Variants in ITLN2 observed in about 807,000 individuals in gnomAD.
The protein encoded by ITLN2 is intelectin 2.
A neutral mutation model predicts 39.4 loss-of-function variants in ITLN2; 29 were observed. The observed-to-expected ratio is 0.74, with a 90% CI of 0.55 to 1.00. The LOEUF (loss-of-function observed/expected upper bound fraction) is 1.00. Among genes scored for constraint, ITLN2 ranks in the 50% least tolerant of loss-of-function variants. The probability of loss-of-function intolerance (pLI) is 0.00; values close to 1 mark genes in which losing one functional copy is unlikely to be tolerated. For synonymous variants in ITLN2, 156 were observed against 153.4 expected, an observed-to-expected ratio of 1.02 and a Z score of -0.12; for missense variants, 412 against 416.7, an observed-to-expected ratio of 0.99 and a Z score of 0.10.
intron 6 of ITLN2, 57 bp from the exon 7 acceptor site, chr1:160,948,089 C>T: frequency 7.0e-7 from 1 of 1,427,110 alleles, no homozygotes; most frequent in South Asian, 1.2e-5. Flanking sequence ...CTAGAAGCAG[C>T]ATCCCATTGG....
At chr1:160,951,462 CACTG>C (rs1182852483) in intron 3 of ITLN2, 172 bp from the exon 4 acceptor site, 2 of 786,970 alleles carry the variant, frequency 2.5e-6, no homozygotes, top group Non-Finnish European at 1.9e-6. Context: ...TGAGCAGAGG[CACTG>C]ACTGTCTTGG....
At chr1:160,954,580 C>T in intron 1 of ITLN2, 130 bp from the exon 2 acceptor site, 2 of 1,224,918 alleles carry the variant, frequency 1.6e-6, no homozygotes, top group Non-Finnish European at 2.3e-6. Flanking sequence ...CATTCTAAAA[C>T]CTCCTGGAAT....
chr1:160,951,065 G>A lies in ITLN2; in HGVS notation c.419C>T (p.Ala140Val), dbSNP rs137860437. Residue 140 changes from alanine to valine, a missense_variant, in exon 4 of 8, where the codon GCG becomes GTG. Ala to Val is a moderately conservative substitution (Grantham distance 64). Coordinates refer to ENST00000368029, the MANE Select transcript of ITLN2 (RefSeq NM_080878.3). Reference sequence around the variant, plus strand: ...AACCTTGTAGTCATCGCTCGTGGCCGCCTCTGCAGATCCAAAGGTGTTGTA... The same window carrying A: ...AACCTTGTAGTCATCGCTCGTGGCCACCTCTGCAGATCCAAAGGTGTTGTA... ...ANYNTFGSAE[A>V]ATSDDYKNPG... is the part of the protein sequence containing the mutation. 47 of 1,614,196 alleles carry A rather than the reference G, an allele frequency of 2.9e-5. No homozygotes were observed. The highest frequency in any genetic ancestry group is 1.0e-4 in the Admixed American group (6 of 60,010).
chr1:160,953,868 T>A (rs1671805018), intron 2 of ITLN2, among the ~76,000 whole-genome samples: 2 of 152,188 alleles, frequency 1.3e-5, no homozygotes, highest in South Asian at 4.1e-4. Flanking sequence ...AGATGACATA[T>A]GTAAATGTGC....
At chr1:160,948,889 AAAAG>A (rs951722894) in intron 6 of ITLN2, 10 of 152,292 alleles carry the variant, frequency 6.6e-5, no homozygotes, top group African/African-American at 2.4e-4. Context: ...AGAGACTGAG[AAAAG>A]AAAGAGACAC....
chr1:160,949,513 C>A, intron 6 of ITLN2: 1 of 160,108 alleles, frequency 6.2e-6, no homozygotes. Flanking sequence ...TATTGTGTCC[C>A]TGGGTACTTG....
In ITLN2 at chr1:160,951,165, T is replaced by A; in HGVS notation, c.319A>T (p.Thr107Ser). Reference protein sequence around the residue: ...VHENDMRGKCTVGDRWSSQQG... With the variant: ...VHENDMRGKCSVGDRWSSQQG... ...TGACTGGACCAGCGATCACCCACCG[T>A]GCACTTCCCACGCATGTCATTCTCG... Residue 107 changes from threonine to serine, a missense_variant, in exon 4 of 8, where the codon ACG becomes TCG. Transcript: ENST00000368029. 2 of 1,614,200 alleles carry A rather than the reference T, an allele frequency of 1.2e-6. No individual in the cohort carries two copies. Among genetic ancestry groups the A allele is most frequent in the Non-Finnish European group, 1.7e-6 (2 of 1,180,036 alleles).
chr1:160,952,791 G>T, intron 2 of ITLN2, 58 bp from the exon 3 acceptor site: 1 of 1,252,164 alleles, frequency 8.0e-7, no homozygotes, highest in Non-Finnish European at 1.2e-6. Flanking sequence ...CATCTTTCCT[G>T]GCCAATCTCT....
At chr1:160,953,028 G>A (rs1282946922) in intron 2 of ITLN2, among the ~76,000 whole-genome samples, 2 of 152,176 alleles carry the variant, frequency 1.3e-5, no homozygotes, top group Admixed American at 1.3e-4. Flanking sequence ...ACATGGAAAG[G>A]GACCCAACTG....
Position 160,945,099 on chromosome 1 carries a change from T to C in ITLN2, c.*41A>G, listed in dbSNP as rs750772058. The C allele has an allele frequency of 1.3e-6, 2 of 1,524,052 alleles. No individual in the cohort carries two copies. The highest frequency in any genetic ancestry group is 8.7e-7 in the Non-Finnish European group (1 of 1,145,812). 94.4% of individuals were successfully genotyped at this position (1,524,052 alleles called of 1,614,324 possible). On this transcript the variant is annotated 3_prime_UTR_variant, in exon 8 of 8. Coordinates refer to ENST00000368029, the MANE Select transcript of ITLN2 (RefSeq NM_080878.3). ...TTTTTCCGTCTCCAAATAGCCGGGG[T>C]TGGAAGATGGGTTCTCGCCCTGACA...
chr1:160,951,955 T>C (rs1671755744), intron 3 of ITLN2, among the ~76,000 whole-genome samples: 1 of 152,142 alleles, frequency 6.6e-6, no homozygotes, highest in Non-Finnish European at 1.5e-5. Context: ...GGTATGAGGC[T>C]TTTTGCCTCA....
chr1:160,945,671 A>G (rs1256782222), intron 7 of ITLN2, among the ~76,000 whole-genome samples: 4 of 152,178 alleles, frequency 2.6e-5, no homozygotes, highest in Non-Finnish European at 5.9e-5. Flanking sequence ...TGGAAAATGA[A>G]AAAGCTGAAA....
chr1:160,954,348 C>G, intron 2 of ITLN2, 39 bp downstream of exon 2: 1 of 1,449,058 alleles, frequency 6.9e-7, no homozygotes. Context: ...CAGAGGGGAG[C>G]CCAGGAAACT....
At position 160,951,110 on chromosome 1, in the gene ITLN2, C is replaced by A. The variant is rs748974039; in HGVS notation, c.374G>T (p.Gly125Val). The A allele has an allele frequency of 6.2e-7, 1 of 1,614,052 alleles. No homozygotes were observed. Among genetic ancestry groups the A allele is most frequent in the Non-Finnish European group, 8.5e-7 (1 of 1,180,040 alleles). The change falls in exon 4 of 8, where the codon GGG becomes GTG. Residue 125 changes from glycine (G) to valine (V), a missense_variant. Gly to Val is a moderately radical substitution (Grantham distance 109). Coordinates refer to ENST00000368029, the MANE Select transcript of ITLN2 (RefSeq NM_080878.3). ...QQGNKADYPE[G>V]DGNWANYNTF... is the part of the protein sequence containing the mutation. ...GTTGTAGTTGGCCCAGTTGCCATCC[C>A]CCTCTGGGTAGTCTGCTTTGTTGCC...
At chr1:160,945,525 A>T (rs1671581659) in intron 7 of ITLN2, among the ~76,000 whole-genome samples, 1 of 152,200 alleles carries the variant, frequency 6.6e-6, no homozygotes, top group South Asian at 2.1e-4. Context: ...AGGAGCACAG[A>T]GCCAGTAGAG....
rs1308216971 is a variant in ITLN2, at chr1:160,945,130, G to A, written c.*10C>T. ...GATGGGTTCTCGCCCTGACACCGCA[G>A]AGCTCTGTCTCATCTATAGAACAAG... is the stretch of plus-strand genomic sequence containing the variant. On this transcript the variant is annotated 3_prime_UTR_variant, in exon 8 of 8. Coordinates refer to ENST00000368029, the MANE Select transcript of ITLN2 (RefSeq NM_080878.3). 20 of 1,564,706 alleles carry A rather than the reference G, an allele frequency of 1.3e-5. No homozygotes were observed. Among genetic ancestry groups the A allele is most frequent in the Non-Finnish European group, 1.3e-5 (15 of 1,165,530 alleles).
At chr1:160,946,354 A>G (rs962423288) in intron 7 of ITLN2, among the ~76,000 whole-genome samples, 2 of 151,992 alleles carry the variant, frequency 1.3e-5, no homozygotes, top group Non-Finnish European at 2.9e-5. Context: ...AAGACAAATA[A>G]ATTATACTCA....
At chr1:160,947,760 A>T (rs1671638946) in intron 7 of ITLN2, among the ~76,000 whole-genome samples, 169 bp downstream of exon 7, 2 of 152,244 alleles carry the variant, frequency 1.3e-5, no homozygotes, top group Non-Finnish European at 2.9e-5. Flanking sequence ...GTGAGCACAG[A>T]GTTGGGGCTA....
rs1313031594 is a variant in ITLN2, at chr1:160,952,750, T to C, written c.80-17A>G. On this transcript the variant is annotated splice_polypyrimidine_tract_variant and intron_variant, in intron 2 of 7. Coordinates refer to ENST00000368029, the MANE Select transcript of ITLN2 (RefSeq NM_080878.3). Reference sequence around the variant, plus strand: ...AGGCTGCTGCTAGAAAATGTGAGAATGAGTCTCATTAGAAGTCTGACCACT... The same window carrying C: ...AGGCTGCTGCTAGAAAATGTGAGAACGAGTCTCATTAGAAGTCTGACCACT... 9 of 1,571,546 alleles carry C rather than the reference T, an allele frequency of 5.7e-6. 1 individual carries two copies. In the Admixed American group the frequency reaches 1.5e-4, roughly 26 times the overall value.
Sources: allele counts gnomAD v4.1 joint callset (sites outside exome capture counted in the v4.1 genomes callset), GRCh38; gene constraint gnomAD v4.1.1; transcripts MANE v1.5; gene names NCBI Gene and HGNC (gene_info 2026-07-23, HGNC 2026-07-21).